MED13L: variants seen among roughly 807,000 people sequenced by gnomAD.
MED13L encodes mediator complex subunit 13L.
In MED13L, 7 loss-of-function variants were observed where a neutral mutation model predicts 220.9. That is an observed-to-expected ratio of 0.03 (90% CI 0.02 to 0.06). MED13L has a LOEUF of 0.06. Ranked by LOEUF, MED13L falls within the 10% of genes least tolerant of loss-of-function variation. The probability of loss-of-function intolerance (pLI) is 1.00; values close to 1 mark genes in which losing one functional copy is unlikely to be tolerated. For missense variants in MED13L, 1,965 were observed against 2,760.5 expected, an observed-to-expected ratio of 0.71 and a Z score of 6.46; for synonymous variants, 1,011 against 1,015.2, an observed-to-expected ratio of 1.00 and a Z score of 0.08.
At chr12:116,125,656 G>C (rs936268281) in intron 2 of MED13L, among the ~76,000 whole-genome samples, 2 of 152,108 alleles carry the variant, frequency 1.3e-5, no homozygotes, top group African/African-American at 4.8e-5. Flanking sequence ...CCCAATCCAT[G>C]TCTCTCTTAT....
At position 115,982,524 on chromosome 12, in the gene MED13L, T is replaced by C. The variant is rs1460343652; in HGVS notation, c.5035A>G (p.Ile1679Val). ...DSHAHPPAVV[I>V]YMVDPFTYAA... ...TACGTGAACGGGTCCACCATGTAAA[T>C]GACAACAGCTGGAGGGTGGGCATGG... The change falls in exon 22 of 31, where the codon ATT becomes GTT. Residue 1679 changes from isoleucine (I) to valine (V), a missense_variant. Physicochemically the swap from Ile to Val is conservative, Grantham distance 29. This residue lies in a region of MED13L where 510 missense variants were observed against 620.4 expected (regional missense o/e 0.82). Coordinates refer to ENST00000281928, the MANE Select transcript of MED13L (RefSeq NM_015335.5). 3 of 1,614,088 alleles carry C rather than the reference T, an allele frequency of 1.9e-6. No homozygotes were observed. Among genetic ancestry groups the C allele is most frequent in the Non-Finnish European group, 1.7e-6 (2 of 1,180,006 alleles).
At chr12:116,007,296 G>T in intron 11 of MED13L, 115 bp downstream of exon 11, 1 of 915,678 alleles carries the variant, frequency 1.1e-6, no homozygotes, top group Non-Finnish European at 1.8e-6. Flanking sequence ...TATGGGGACA[G>T]AGCAATCAGG....
intron 25 of MED13L, among the ~76,000 whole-genome samples, chr12:115,973,768 A>C (rs1472756619): frequency 6.6e-6 from 1 of 152,210 alleles, no homozygotes; most frequent in Middle Eastern, 3.2e-3. Context: ...TTGATACAAG[A>C]TTCATTATGA....
intron 30 of MED13L, chr12:115,962,858 A>G: frequency 5.8e-6 from 1 of 172,166 alleles, no homozygotes; most frequent in Non-Finnish European, 1.3e-5. Flanking sequence ...CGTCTCTACT[A>G]AAAATACAAA....
chr12:116,259,862 T>TA (rs1454159541), intron 1 of MED13L, among the ~76,000 whole-genome samples: 2 of 152,234 alleles, frequency 1.3e-5, no homozygotes, highest in Non-Finnish European at 2.9e-5. Flanking sequence ...TAAAATTGTA[T>TA]AAAATTTTTA....
chr12:116,004,443 C>A (rs1013722304), intron 13 of MED13L, among the ~76,000 whole-genome samples: 1 of 152,034 alleles, frequency 6.6e-6, no homozygotes, highest in African/African-American at 2.4e-5. Context: ...CAAAAGTTAC[C>A]AGATTAGAGG....
At chr12:116,202,205 C>T (rs1187337852) in intron 2 of MED13L, among the ~76,000 whole-genome samples, 1 of 152,184 alleles carries the variant, frequency 6.6e-6, no homozygotes, top group Non-Finnish European at 1.5e-5. Context: ...CACTGCCAAA[C>T]TCAGATCAAT....
chr12:116,129,920 AAAG>A (rs1296836414), intron 2 of MED13L, among the ~76,000 whole-genome samples: 165 of 144,798 alleles, frequency 1.1e-3, no homozygotes, highest in Middle Eastern at 7.2e-3. Context: ...AAAAAAAAAA[AAAG>A]AAAGAAAGAA....
At chr12:116,122,819 C>T (rs1281055138) in intron 2 of MED13L, among the ~76,000 whole-genome samples, 1 of 152,088 alleles carries the variant, frequency 6.6e-6, no homozygotes, top group Non-Finnish European at 1.5e-5. Context: ...CCCAAGTTAG[C>T]ATTTCAATGG....
At chr12:116,195,147 G>A (rs1423697281) in intron 2 of MED13L, among the ~76,000 whole-genome samples, 3 of 152,162 alleles carry the variant, frequency 2.0e-5, no homozygotes, top group Non-Finnish European at 2.9e-5. Flanking sequence ...CTAGGAAAGT[G>A]AGAATACTAG....
intron 29 of MED13L, among the ~76,000 whole-genome samples, chr12:115,964,042 G>A (rs965590775): frequency 2.0e-5 from 3 of 151,948 alleles, no homozygotes; most frequent in African/African-American, 4.8e-5. Context: ...AGCTGTGATT[G>A]CACCACTGTG....
chr12:116,196,545 A>C lies in MED13L; in HGVS notation c.310+40923T>G, dbSNP rs1881638496. On this transcript the variant is annotated intron_variant, in intron 2 of 30. Coordinates refer to ENST00000281928, the MANE Select transcript of MED13L (RefSeq NM_015335.5). ...GTGATTGGGGTAGAAGAGTACTAGAATAGTAGATTACAGAATTGAGTAACA... is the reference window on the plus strand; with the variant it reads ...GTGATTGGGGTAGAAGAGTACTAGACTAGTAGATTACAGAATTGAGTAACA... 3.3e-5 allele frequency among the ~76,000 whole-genome samples: 5 copies of C among 152,238 alleles called. No homozygotes were observed. In the South Asian group the frequency reaches 1.0e-3, roughly 32 times the overall value.
chr12:116,029,989 G>C (rs1012558023), intron 4 of MED13L, among the ~76,000 whole-genome samples: 1 of 151,980 alleles, frequency 6.6e-6, no homozygotes, highest in Non-Finnish European at 1.5e-5. Flanking sequence ...TTGTTTTTCA[G>C]ATGGAATCTC....
At position 115,961,029 on chromosome 12, in the gene MED13L, C is replaced by T. The variant is rs1875723163; in HGVS notation, c.*237G>A. The T allele has an allele frequency of 5.3e-6, 3 of 563,942 alleles. No individual in the cohort carries two copies. In the Admixed American group the frequency reaches 7.7e-5, roughly 14 times the overall value. 34.9% of individuals were successfully genotyped at this position (563,942 alleles called of 1,614,324 possible). A position where few individuals can be genotyped will look rare whatever the true frequency, so the allele number is the denominator to read the frequency against. The stretch of plus-strand genomic sequence containing the variant: ...GGTTGGGGCTACACACACCACCGCA[C>T]TGGCTGAAAGTCACCACTTATGGAA... On this transcript the variant is annotated 3_prime_UTR_variant, in exon 31 of 31. Transcript: ENST00000281928.
At chr12:115,985,653 C>T (rs774948551) in intron 19 of MED13L, among the ~76,000 whole-genome samples, 24 of 152,040 alleles carry the variant, frequency 1.6e-4, no homozygotes, top group Non-Finnish European at 2.2e-4. Flanking sequence ...AGACATGATT[C>T]TATTTTTTTT....
intron 4 of MED13L, among the ~76,000 whole-genome samples, chr12:116,050,878 G>T (rs1868433489): frequency 6.6e-6 from 1 of 152,130 alleles, no homozygotes; most frequent in South Asian, 2.1e-4. Flanking sequence ...GATGGAGCTT[G>T]CAGTGAGCCG....
At chr12:115,972,497 A>G in intron 25 of MED13L, 4 of 452,192 alleles carry the variant, frequency 8.8e-6, no homozygotes, top group South Asian at 8.1e-5. Flanking sequence ...GCACTAATCC[A>G]GTCTAATCTA....
At chr12:116,007,352 T>C in intron 11 of MED13L, 59 bp downstream of exon 11, 1 of 1,486,954 alleles carries the variant, frequency 6.7e-7, no homozygotes, top group African/African-American at 1.4e-5. Context: ...CCCACACATG[T>C]TGTACTGACA....
chr12:116,256,964 C>A (rs545072441), intron 1 of MED13L, among the ~76,000 whole-genome samples: 5 of 152,100 alleles, frequency 3.3e-5, no homozygotes, highest in Middle Eastern at 3.2e-3. Flanking sequence ...CATGAGCCAC[C>A]GTGCCCAGCC....
Sources: allele counts gnomAD v4.1 joint callset (sites outside exome capture counted in the v4.1 genomes callset), GRCh38; gene constraint gnomAD v4.1.1; regional missense constraint gnomAD v4.1.1; transcripts MANE v1.5; gene names NCBI Gene and HGNC (gene_info 2026-07-23, HGNC 2026-07-21).